Variants in LAMC3 observed in about 807,000 individuals in gnomAD.
The protein encoded by LAMC3 is laminin subunit gamma 3, also known as laminin subunit gamma-3.
LAMC3 carries 128 observed loss-of-function variants against 173.8 expected under a neutral mutation model. The ratio of observed to expected loss-of-function variants is 0.74; its 90% CI spans 0.64 to 0.85. The LOEUF is 0.85. Ranked by LOEUF, LAMC3 falls within the 40% of genes least tolerant of loss-of-function variation. The pLI, the probability that LAMC3 is intolerant of heterozygous loss-of-function variation, is 0.00. For synonymous variants in LAMC3, 897 were observed against 909.1 expected (o/e 0.99, Z 0.24); for missense variants, 2,022 against 2,156.0 (o/e 0.94, Z 1.23).
intron 6 of LAMC3, among the ~76,000 whole-genome samples, 200 bp downstream of exon 6, chr9:131,039,448 C>G (rs1326336710): frequency 3.3e-5 from 5 of 152,052 alleles, no homozygotes; most frequent in African/African-American, 1.2e-4. Context: ...CAGGCTGAGC[C>G]CTGTGGAAGC....
chr9:131,082,500 A>G (rs1332850244), intron 24 of LAMC3, among the ~76,000 whole-genome samples: 3 of 152,148 alleles, frequency 2.0e-5, no homozygotes, highest in Admixed American at 6.5e-5. Context: ...TGATACAAAT[A>G]TGGCTGTCCG....
At chr9:131,057,375 T>TTGTA (rs1363234436) in intron 12 of LAMC3, among the ~76,000 whole-genome samples, 1 of 152,210 alleles carries the variant, frequency 6.6e-6, no homozygotes, top group Non-Finnish European at 1.5e-5. Context: ...GCCAAGGACT[T>TTGTA]TGTATGTATC....
In LAMC3 at chr9:131,047,165, C is replaced by CTTTTTTTTTTTTTTTTTTTTTTTTT. The variant is rs398012456; in HGVS notation, c.1519+1522_1519+1523insTTTTTTTTTTTTTTTTTTTTTTTTT. ...AAAACTTTTTGGTCTCTGAATTCCT[C>CTTTTTTTTTTTTTTTTTTTTTTTTT]TTTTTTTTTTTTTTTTTAAGACGGA... On this transcript the variant is annotated intron_variant, in intron 8 of 27. Transcript: ENST00000361069. Among the ~76,000 whole-genome samples the CTTTTTTTTTTTTTTTTTTTTTTTTT allele has an allele frequency of 5.1e-3, 521 of 102,058 alleles. 67 individuals are homozygous for CTTTTTTTTTTTTTTTTTTTTTTTTT. The highest frequency in any genetic ancestry group is 9.1e-3 in the East Asian group (31 of 3,392). 67.0% of individuals were successfully genotyped at this position (102,058 alleles called of 152,430 possible).
chr9:131,061,366 C>T, intron 13 of LAMC3, 143 bp downstream of exon 13: 1 of 678,810 alleles, frequency 1.5e-6, no homozygotes. Context: ...GCAGGCATGA[C>T]CTCTGAGGAC....
intron 11 of LAMC3, among the ~76,000 whole-genome samples, chr9:131,055,013 GT>G (rs35014168): frequency 6.6e-6 from 1 of 152,136 alleles, no homozygotes; most frequent in African/African-American, 2.4e-5. Flanking sequence ...GCTCTGTGAG[GT>G]TTTAGCCATC....
chr9:131,036,502 G>GA (rs1280439914), intron 4 of LAMC3, among the ~76,000 whole-genome samples, 170 bp downstream of exon 4: 1 of 152,116 alleles, frequency 6.6e-6, no homozygotes, highest in African/African-American at 2.4e-5. Flanking sequence ...GGAGCCTGGG[G>GA]AGGGGGTGCA....
At chr9:131,068,633 T>C (rs941828635) in intron 15 of LAMC3, among the ~76,000 whole-genome samples, 1 of 152,180 alleles carries the variant, frequency 6.6e-6, no homozygotes, top group African/African-American at 2.4e-5. Context: ...GCTCTTACTA[T>C]GCTGATTGCA....
chr9:131,040,889 GA>G (rs1834039085), intron 6 of LAMC3, among the ~76,000 whole-genome samples: 1 of 152,194 alleles, frequency 6.6e-6, no homozygotes, highest in African/African-American at 2.4e-5. Context: ...GGGTCTGCGT[GA>G]TCTGTCTGTC....
At chr9:131,044,839 G>C (rs921358794) in intron 7 of LAMC3, among the ~76,000 whole-genome samples, 1 of 152,224 alleles carries the variant, frequency 6.6e-6, no homozygotes, top group African/African-American at 2.4e-5. Context: ...TGATAGGTTG[G>C]AGGAGAACAA....
intron 20 of LAMC3, 144 bp downstream of exon 20, chr9:131,073,465 G>A (rs1395056748): frequency 2.8e-6 from 2 of 708,778 alleles, no homozygotes; most frequent in Non-Finnish European, 5.1e-6. Flanking sequence ...CACCAGCATG[G>A]GGAGGGGCAG....
intron 7 of LAMC3, among the ~76,000 whole-genome samples, chr9:131,044,827 G>A (rs975466014): frequency 2.0e-5 from 3 of 152,196 alleles, no homozygotes; most frequent in Non-Finnish European, 2.9e-5. Context: ...ACTGAGAAGC[G>A]GTGATAGGTT....
intron 13 of LAMC3, among the ~76,000 whole-genome samples, chr9:131,061,505 A>AGTGATAGCTGAACAAGTTCCCTGG (rs1342309276): frequency 4.1e-4 from 63 of 152,350 alleles, no homozygotes; most frequent in Non-Finnish European, 7.1e-4. Context: ...AGCCTGGGTT[A>AGTGATAGCTGAACAAGTTCCCTGG]GTGATAGCTG....
chr9:131,072,959 C>A, intron 19 of LAMC3, 124 bp downstream of exon 19: 2 of 900,096 alleles, frequency 2.2e-6, no homozygotes, highest in Non-Finnish European at 3.6e-6. Flanking sequence ...ATTTCATCTG[C>A]AAAGTGGGGA....
At chr9:131,058,824 G>A (rs1168170052) in intron 12 of LAMC3, among the ~76,000 whole-genome samples, 3 of 150,786 alleles carry the variant, frequency 2.0e-5, no homozygotes, top group Admixed American at 6.6e-5. Flanking sequence ...AACCCAGGAG[G>A]CAGAGGTTGC....
At chr9:131,079,966 G>A (rs541257692) in intron 23 of LAMC3, among the ~76,000 whole-genome samples, 47 of 152,240 alleles carry the variant, frequency 3.1e-4, no homozygotes, top group African/African-American at 9.6e-4. Context: ...CAGCTGTACC[G>A]ATAATTTTGT....
Position 131,079,166 on chromosome 9 carries a change from T to C in LAMC3, c.3795T>C (p.Ala1265=), listed in dbSNP as rs564271205. 6.2e-7 allele frequency: 1 copy of C among 1,613,748 alleles called. No homozygotes were observed. Among genetic ancestry groups the C allele is most frequent in the South Asian group, 1.1e-5 (1 of 90,944 alleles). The part of the protein sequence containing the change: ...SPGALPQKSR[A]EDLGLKAKAL... ...CCCTGCAGCCTCAGAAGTCCCGGGC[T>C]GAAGACCTGGGCCTGAAGGCGAAGG... The change falls in exon 23 of 28, where the codon GCT becomes GCC. Residue 1265 remains alanine (A), a synonymous_variant. Coordinates refer to ENST00000361069, the MANE Select transcript of LAMC3 (RefSeq NM_006059.4).
At chr9:131,018,807 C>T (rs925115132) in intron 1 of LAMC3, among the ~76,000 whole-genome samples, 3 of 152,226 alleles carry the variant, frequency 2.0e-5, no homozygotes, top group African/African-American at 4.8e-5. Flanking sequence ...ACAGGCTTCA[C>T]CACAAGGTGG....
chr9:131,037,495 C>T (rs141284707), intron 4 of LAMC3, among the ~76,000 whole-genome samples: 1 of 152,224 alleles, frequency 6.6e-6, no homozygotes, highest in Non-Finnish European at 1.5e-5. Flanking sequence ...CCAGCCCTCC[C>T]CTAACTGCAG....
chr9:131,052,427 C>T (rs1271335100), intron 9 of LAMC3, 64 bp from the exon 10 acceptor site: 3 of 1,382,496 alleles, frequency 2.2e-6, no homozygotes. Context: ...ATAAAATCAA[C>T]ATAGACATTT....
Sources: gnomAD v4.1 joint callset for allele counts (sites outside exome capture counted in the v4.1 genomes callset) on GRCh38, gnomAD v4.1.1 for gene constraint, MANE v1.5 for transcripts, NCBI Gene and HGNC (gene_info 2026-07-23, HGNC 2026-07-21) for gene names.